Variants in GPR176 observed in about 807,000 individuals in gnomAD.
GPR176 encodes G-protein coupled receptor 176.
In GPR176, 26 loss-of-function variants were observed where a neutral mutation model predicts 35.4. That is an observed-to-expected ratio of 0.74 (90% CI 0.54 to 1.02). The LOEUF is 1.02. GPR176 is among the 50% of genes least tolerant of loss of function. GPR176 has a pLI of 0.00. For missense variants in GPR176, 597 were observed against 665.3 expected (o/e 0.90, Z 1.13); for synonymous variants, 278 against 271.3 (o/e 1.02, Z -0.24).
intron 1 of GPR176, among the ~76,000 whole-genome samples, chr15:39,891,108 A>G (rs767389897): frequency 6.6e-6 from 1 of 152,184 alleles, no homozygotes; most frequent in Non-Finnish European, 1.5e-5. Flanking sequence ...ATGCTTTTAG[A>G]TATTATACCA....
intron 1 of GPR176, among the ~76,000 whole-genome samples, chr15:39,848,575 C>T (rs546620885): frequency 1.3e-5 from 2 of 152,042 alleles, no homozygotes; most frequent in East Asian, 3.9e-4. Context: ...ATAAAATAGC[C>T]CTAATACATT....
At chr15:39,863,537 A>G (rs866967011) in intron 1 of GPR176, among the ~76,000 whole-genome samples, 1 of 152,138 alleles carries the variant, frequency 6.6e-6, no homozygotes, top group Non-Finnish European at 1.5e-5. Flanking sequence ...TAATTTATTA[A>G]TTTATTATTA....
rs950748636 is a variant in GPR176 at position 39,832,640 on chromosome 15, T to C, written c.173-25382A>G. ...ACATAAAACATGCTAACGCTAATGA[T>C]AGCTGATGAGCTAAACACACACACA... On this transcript the variant is annotated intron_variant, in intron 1 of 2. Transcript: ENST00000561100. 6.0e-5 allele frequency among the ~76,000 whole-genome samples: 8 copies of C among 133,060 alleles called. No homozygotes were observed. In the Admixed American group the frequency reaches 6.3e-4, roughly 10 times the overall value. The allele number at this position is 133,060 out of a possible 152,430, so 87.3% of individuals were successfully genotyped here.
intron 1 of GPR176, among the ~76,000 whole-genome samples, chr15:39,913,453 C>T (rs2033631961): frequency 6.6e-6 from 1 of 151,442 alleles, no homozygotes; most frequent in African/African-American, 2.4e-5. Context: ...GCTGAGGCTG[C>T]AGAATCACTT....
chr15:39,874,912 G>A (rs371332688), intron 1 of GPR176, among the ~76,000 whole-genome samples: 3 of 152,192 alleles, frequency 2.0e-5, no homozygotes, highest in East Asian at 3.9e-4. Flanking sequence ...GCATGATGGC[G>A]CACGCCTGTA....
chr15:39,890,721 T>C (rs1420541013), intron 1 of GPR176, among the ~76,000 whole-genome samples: 1 of 152,226 alleles, frequency 6.6e-6, no homozygotes, highest in Non-Finnish European at 1.5e-5. Flanking sequence ...TACTGACTCC[T>C]ATCCTTTTGC....
intron 1 of GPR176, among the ~76,000 whole-genome samples, chr15:39,871,531 G>C (rs771660854): frequency 5.3e-5 from 8 of 152,160 alleles, no homozygotes; most frequent in Admixed American, 5.2e-4. Context: ...CTCAGGGCAG[G>C]ATTCACTGCC....
chr15:39,918,664 A>AAC (rs370386441), intron 1 of GPR176, among the ~76,000 whole-genome samples: 7,484 of 150,370 alleles, frequency 0.05, 471 homozygotes, highest in African/African-American at 0.15. Context: ...CACATCTTAA[A>AAC]ACACACACAC....
chr15:39,863,863 G>A (rs1447199256), intron 1 of GPR176, among the ~76,000 whole-genome samples: 1 of 152,202 alleles, frequency 6.6e-6, no homozygotes, highest in Non-Finnish European at 1.5e-5. Flanking sequence ...TTAACACAGT[G>A]ATGAAATCGC....
chr15:39,887,348 G>A lies in GPR176; in HGVS notation c.172+32507C>T, dbSNP rs182525087. On this transcript the variant is annotated intron_variant, in intron 1 of 2. Coordinates refer to ENST00000561100, the MANE Select transcript of GPR176 (RefSeq NM_007223.3). ...TATGTAAGTCCTTGCTAATGAGGAAGACTGAGGTGGCTCAGGCATAAATGG... is the reference window on the plus strand; with the variant it reads ...TATGTAAGTCCTTGCTAATGAGGAAAACTGAGGTGGCTCAGGCATAAATGG... Among the ~76,000 whole-genome samples the A allele has an allele frequency of 1.2e-4, 18 of 152,324 alleles. No individual in the cohort carries two copies. The East Asian group carries it at 3.5e-3, about 29-fold the overall frequency.
At chr15:39,892,144 A>G (rs7177099) in intron 1 of GPR176, among the ~76,000 whole-genome samples, 1,902 of 152,348 alleles carry the variant, frequency 0.012, 49 homozygotes, top group African/African-American at 0.041. Flanking sequence ...CCCCATCCTT[A>G]GGAATAAGAC....
At chr15:39,873,320 ACT>A (rs983297179) in intron 1 of GPR176, among the ~76,000 whole-genome samples, 8 of 152,156 alleles carry the variant, frequency 5.3e-5, no homozygotes, top group African/African-American at 1.9e-4. Context: ...TTTTTACTAC[ACT>A]GTTTCTCAGG....
chr15:39,807,632 C>G (rs529271267), intron 1 of GPR176: 1 of 892,282 alleles, frequency 1.1e-6, no homozygotes, highest in Non-Finnish European at 1.8e-6. Context: ...AACTCTGCAA[C>G]AGAAATACAG....
rs1347381750 is a variant in GPR176 at position 39,799,537 on chromosome 15, C to T, written c.*1595G>A. On this transcript the variant is annotated 3_prime_UTR_variant, in exon 3 of 3. Coordinates refer to ENST00000561100, the MANE Select transcript of GPR176 (RefSeq NM_007223.3). ...CCACACCCAAGAGAAGAAAGGAAAA[C>T]AAAACTCCCTACAGGGTCTGGGCTC... 1 of 152,228 alleles carries T rather than the reference C, an allele frequency of 6.6e-6. No homozygotes were observed. Among genetic ancestry groups the T allele is most frequent in the African/African-American group, 2.4e-5 (1 of 41,442 alleles). The allele number at this position is 152,228 out of a possible 1,614,324, so 9.4% of individuals were successfully genotyped here. A position where few individuals can be genotyped will look rare whatever the true frequency, so the allele number is the denominator to read the frequency against.
rs564143139 is a variant in GPR176, at chr15:39,899,167, T to C, written c.172+20688A>G. Among the ~76,000 whole-genome samples the C allele has an allele frequency of 2.0e-4, 30 of 152,306 alleles. No homozygotes were observed. In the South Asian group the frequency reaches 5.6e-3, roughly 28 times the overall value. ...TAGACCTCCTGGGCATGCTCTACCT[T>C]ACCTCCATTGTGTAGTAGTAGCTTA... is the stretch of plus-strand genomic sequence containing the variant. On this transcript the variant is annotated intron_variant, in intron 1 of 2. Transcript: ENST00000561100.
rs1432258061 is a variant in GPR176 at position 39,807,198 on chromosome 15, C to G, written c.233G>C (p.Arg78Thr). Residue 78 changes from arginine (R) to threonine (T), a missense_variant, in exon 2 of 3, where the codon AGG (arginine) becomes ACG (threonine). Transcript: ENST00000561100. Reference protein sequence around the residue: ...RTTVFKSVTNRFIKNLACSGI... With the variant: ...RTTVFKSVTNTFIKNLACSGI... ...CGAGCAGGCCAGGTTTTTAATGAACCTGTTGGTGACAGATTTGAACACGGT... is the reference window on the plus strand; with the variant it reads ...CGAGCAGGCCAGGTTTTTAATGAACGTGTTGGTGACAGATTTGAACACGGT... The G allele has an allele frequency of 6.2e-7, 1 of 1,613,110 alleles. No homozygotes were observed. The highest frequency in any genetic ancestry group is 1.3e-5 in the African/African-American group (1 of 74,824).
chr15:39,910,319 GGCTCAT>G (rs2033543214), intron 1 of GPR176, among the ~76,000 whole-genome samples: 2 of 152,234 alleles, frequency 1.3e-5, no homozygotes, highest in Admixed American at 6.5e-5. Flanking sequence ...CGGGCATGGT[GGCTCAT>G]GCCTGTAATC....
chr15:39,869,552 A>C (rs909828183), intron 1 of GPR176, among the ~76,000 whole-genome samples: 1 of 152,134 alleles, frequency 6.6e-6, no homozygotes, highest in African/African-American at 2.4e-5. Context: ...CTGTGGCCAA[A>C]TTGTACTTCT....
At chr15:39,893,509 A>G (rs2032952794) in intron 1 of GPR176, among the ~76,000 whole-genome samples, 1 of 152,214 alleles carries the variant, frequency 6.6e-6, no homozygotes, top group Non-Finnish European at 1.5e-5. Flanking sequence ...ACTTCTTTCT[A>G]CACAGACACG....
Sources: allele counts gnomAD v4.1 joint callset (sites outside exome capture counted in the v4.1 genomes callset), GRCh38; gene constraint gnomAD v4.1.1; transcripts MANE v1.5; gene names NCBI Gene and HGNC (gene_info 2026-07-23, HGNC 2026-07-21).